UBP1: variants seen among roughly 807,000 people sequenced by gnomAD.
UBP1 encodes the protein upstream binding protein 1, also known as upstream-binding protein 1.
Under a neutral mutation model 76.1 loss-of-function variants are expected in UBP1, and 22 were observed. That is an observed-to-expected ratio of 0.29 (90% CI 0.21 to 0.41). The LOEUF (loss-of-function observed/expected upper bound fraction) is 0.41, where lower values mean the gene tolerates loss of function less well. Ranked by LOEUF, UBP1 falls within the 10% of genes least tolerant of loss-of-function variation. The probability of loss-of-function intolerance (pLI) is 1.00; values close to 1 mark genes in which losing one functional copy is unlikely to be tolerated. For synonymous variants in UBP1, 224 were observed against 237.1 expected (o/e 0.94, Z 0.51); for missense variants, 436 against 668.1 (o/e 0.65, Z 3.83).
chr3:33,411,944 T>C (rs762347755), intron 4 of UBP1, among the ~76,000 whole-genome samples: 1 of 152,094 alleles, frequency 6.6e-6, no homozygotes, highest in Non-Finnish European at 1.5e-5. Context: ...CCCAGCACTT[T>C]GGGAGGCCAA....
rs11260 is a variant in UBP1 at position 33,388,601 on chromosome 3, G to A, written c.*1730C>T. Reference sequence around the variant, plus strand: ...TCCATAAATCTTGAGACCCAAAAAGGAATGCTAAATAGACAAGCAAAACTT... The same window carrying A: ...TCCATAAATCTTGAGACCCAAAAAGAAATGCTAAATAGACAAGCAAAACTT... On this transcript the variant is annotated 3_prime_UTR_variant, in exon 16 of 16. Coordinates refer to ENST00000283629, the MANE Select transcript of UBP1 (RefSeq NM_014517.5). 0.024 allele frequency: 3,716 copies of A among 152,422 alleles called. 78 individuals carry two copies. The highest frequency in any genetic ancestry group is 0.058 in the Admixed American group (883 of 15,286). The allele number at this position is 152,422 out of a possible 1,614,324, so 9.4% of individuals were successfully genotyped here.
In UBP1 at chr3:33,440,090, G is replaced by C. The variant is rs1296727400; in HGVS notation, c.-242C>G. The C allele has an allele frequency of 7.9e-6, 3 of 378,932 alleles. No homozygotes were observed. The highest frequency in any genetic ancestry group is 1.4e-5 in the Non-Finnish European group (3 of 214,882). 23.5% of individuals were successfully genotyped at this position (378,932 alleles called of 1,614,324 possible). A position where few individuals can be genotyped will look rare whatever the true frequency, so the allele number is the denominator to read the frequency against. On this transcript the variant is annotated 5_prime_UTR_variant, in exon 1 of 16. Coordinates refer to ENST00000283629, the MANE Select transcript of UBP1 (RefSeq NM_014517.5). ...GCAGCGCCACCCTCCCGCGGACACCGGCCCTGCGCCTCATGCCGGCGCCGC... is the reference window on the plus strand; with the variant it reads ...GCAGCGCCACCCTCCCGCGGACACCCGCCCTGCGCCTCATGCCGGCGCCGC...
rs201172888 is a variant in UBP1 at position 33,439,765 on chromosome 3, C to T, written c.84G>A (p.Gln28=). ...TGCTGTAAGCGCCGGCGCCCAGTTC[C>T]TGCCCGATGCCCGAGAGGCTGGCGT... ...DFDASLSGIG[Q]ELGAGAYSMS... is the part of the protein sequence containing the mutation. Residue 28 remains glutamine (Q), a synonymous_variant, in exon 1 of 16, where the codon CAG becomes CAA. Coordinates refer to ENST00000283629, the MANE Select transcript of UBP1 (RefSeq NM_014517.5). 1.2e-6 allele frequency: 2 copies of T among 1,612,858 alleles called. No individual in the cohort carries two copies. Among genetic ancestry groups the T allele is most frequent in the Non-Finnish European group, 1.7e-6 (2 of 1,179,622 alleles).
intron 12 of UBP1, chr3:33,396,814 C>G: frequency 1.5e-6 from 1 of 665,320 alleles, no homozygotes; most frequent in South Asian, 1.5e-5. Context: ...TGCCCATGTG[C>G]ATTTCTACCA....
chr3:33,427,156 G>T (rs899659534), intron 1 of UBP1, among the ~76,000 whole-genome samples: 4 of 152,168 alleles, frequency 2.6e-5, no homozygotes, highest in Non-Finnish European at 5.9e-5. Context: ...GTAGAGACAG[G>T]GTTTCGCCAT....
At position 33,439,718 on chromosome 3, in the gene UBP1, G is replaced by T. The variant is rs572761448; in HGVS notation, c.113+18C>A. 2 of 1,608,824 alleles carry T rather than the reference G, an allele frequency of 1.2e-6. No individual in the cohort carries two copies. Among genetic ancestry groups the T allele is most frequent in the East Asian group, 4.5e-5 (2 of 44,648 alleles). ...CCCAAGGAGACAGAGGCTTCTCCCC[G>T]CCCAGGGAGCCCAGTACCTCATGCT... On this transcript the variant is annotated intron_variant, in intron 1 of 15. Transcript: ENST00000283629.
intron 1 of UBP1, among the ~76,000 whole-genome samples, chr3:33,432,559 C>G (rs1175677080): frequency 6.6e-6 from 1 of 152,172 alleles, no homozygotes; most frequent in Non-Finnish European, 1.5e-5. Context: ...CTCAAAATCA[C>G]TGCTAAAAAT....
chr3:33,420,992 C>A (rs151321615), intron 2 of UBP1, among the ~76,000 whole-genome samples: 14 of 152,278 alleles, frequency 9.2e-5, no homozygotes, highest in Non-Finnish European at 1.9e-4. Flanking sequence ...AGGAGAAATT[C>A]TTTTCATTTG....
intron 1 of UBP1, among the ~76,000 whole-genome samples, chr3:33,433,451 G>C (rs546160799): frequency 6.0e-5 from 9 of 148,918 alleles, no homozygotes; most frequent in African/African-American, 1.7e-4. Context: ...TCAGGAGCTC[G>C]AGACCAGCCT....
At chr3:33,415,809 A>G (rs1209082207) in intron 3 of UBP1, among the ~76,000 whole-genome samples, 1 of 152,090 alleles carries the variant, frequency 6.6e-6, no homozygotes, top group Non-Finnish European at 1.5e-5. Flanking sequence ...GAGAAAGCAC[A>G]TTGCTGAATA....
In UBP1 at chr3:33,411,707, T is replaced by C. The variant is rs748805971; in HGVS notation, c.449-20A>G. ...GAATATCTATGTTTTAAAAAGAAGT[T>C]ACATAAAAACATCCACTTTAAATAA... is the stretch of plus-strand genomic sequence containing the variant. On this transcript the variant is annotated intron_variant, in intron 4 of 15. Transcript: ENST00000283629. 7 of 1,592,914 alleles carry C rather than the reference T, an allele frequency of 4.4e-6. No homozygotes were observed. In the East Asian group the frequency reaches 1.6e-4, roughly 36 times the overall value.
At chr3:33,391,621 T>A (rs1375942438) in intron 15 of UBP1, 1 of 152,224 alleles carries the variant, frequency 6.6e-6, no homozygotes, top group African/African-American at 2.4e-5. Context: ...GAGATCACCA[T>A]CTGCCCAGTT....
chr3:33,414,986 A>AT (rs1212007947), intron 3 of UBP1, among the ~76,000 whole-genome samples: 1 of 152,078 alleles, frequency 6.6e-6, no homozygotes, highest in African/African-American at 2.4e-5. Context: ...ATGAGGTGTC[A>AT]TTTTTCCCTT....
At chr3:33,398,162 T>C (rs2044081006) in intron 11 of UBP1, 1 of 152,186 alleles carries the variant, frequency 6.6e-6, no homozygotes. Flanking sequence ...AGGATACAGT[T>C]TATTGGGGGA....
At chr3:33,408,660 A>C in intron 8 of UBP1, 30 bp downstream of exon 8, 1 of 1,584,618 alleles carries the variant, frequency 6.3e-7, no homozygotes, top group Non-Finnish European at 8.6e-7. Context: ...GGTTTCTTGC[A>C]CAATGAAAAG....
intron 2 of UBP1, among the ~76,000 whole-genome samples, chr3:33,418,318 A>G (rs549802668): frequency 2.6e-4 from 40 of 152,140 alleles, no homozygotes; most frequent in Admixed American, 2.3e-3. Context: ...CAGTGGCGCA[A>G]TCTCGGCTCA....
At chr3:33,401,062 T>C in intron 9 of UBP1, 46 bp from the exon 10 acceptor site, 2 of 1,528,098 alleles carry the variant, frequency 1.3e-6, no homozygotes, top group East Asian at 2.4e-5. Flanking sequence ...TTATAATACA[T>C]ATATGTTTTA....
intron 8 of UBP1, among the ~76,000 whole-genome samples, chr3:33,405,448 A>G (rs2044393051): frequency 6.6e-6 from 1 of 152,248 alleles, no homozygotes; most frequent in South Asian, 2.1e-4. Flanking sequence ...CCTCCTTTGC[A>G]GCTATTTAAA....
At chr3:33,396,524 A>T (rs1053689697) in intron 12 of UBP1, 1 of 486,344 alleles carries the variant, frequency 2.1e-6, no homozygotes, top group Non-Finnish European at 3.7e-6. Context: ...ATGCTGGTAA[A>T]TTTAAGTTTC....
Sources: allele counts gnomAD v4.1 joint callset (sites outside exome capture counted in the v4.1 genomes callset), GRCh38; gene constraint gnomAD v4.1.1; transcripts MANE v1.5; gene names NCBI Gene and HGNC (gene_info 2026-07-23, HGNC 2026-07-21).